Variants in PFKFB2 observed in about 807,000 individuals in gnomAD.
PFKFB2 encodes 6-phosphofructo-2-kinase/fructose-2,6-biphosphatase 2.
Under a neutral mutation model 68.0 loss-of-function variants are expected in PFKFB2, and 53 were observed. The ratio of observed to expected loss-of-function variants is 0.78; its 90% CI spans 0.63 to 0.98. PFKFB2 has a LOEUF of 0.98. Ranked by LOEUF, PFKFB2 falls within the 50% of genes least tolerant of loss-of-function variation. The pLI, the probability that PFKFB2 is intolerant of heterozygous loss-of-function variation, is 0.00. For synonymous variants in PFKFB2, 222 were observed against 227.6 expected (o/e 0.98, Z 0.22); for missense variants, 451 against 642.0 (o/e 0.70, Z 3.22).
At chr1:207,051,111 T>C (rs1042658655), upstream of PFKFB2, 3 of 1,427,810 alleles carry the variant, frequency 2.1e-6, no homozygotes, top group Admixed American at 5.9e-5. Context: ...GCGCGAACTC[T>C]TTTAAAGTGA....
intron 2 of PFKFB2, among the ~76,000 whole-genome samples, chr1:207,057,371 G>A (rs549661743): frequency 6.1e-5 from 9 of 147,680 alleles, no homozygotes; most frequent in South Asian, 2.2e-4. Flanking sequence ...CCAGCTACTC[G>A]GGAAGCTGAG....
chr1:207,075,751 G>T lies in PFKFB2; in HGVS notation c.*3380G>T. The stretch of plus-strand genomic sequence containing the variant: ...ATAGTGAGACCTCACCTCTAAAAAA[G>T]TTTTTTATAAATTTACTTGTCTAAA... On this transcript the variant is annotated 3_prime_UTR_variant, in exon 15 of 15. Transcript: ENST00000367080. 1.0e-6 allele frequency: 1 copy of T among 983,078 alleles called. No individual in the cohort carries two copies. The highest frequency in any genetic ancestry group is 1.2e-6 in the Non-Finnish European group (1 of 827,846). The allele number at this position is 983,078 out of a possible 1,614,324, so 60.9% of individuals were successfully genotyped here.
intron 2 of PFKFB2, among the ~76,000 whole-genome samples, chr1:207,057,537 A>AT (rs796743534): frequency 1.9e-3 from 274 of 146,402 alleles, no homozygotes; most frequent in Middle Eastern, 0.014. Flanking sequence ...TTTCTTTTTA[A>AT]TTTTTTTTTT....
chr1:207,035,961 A>G (rs1381065422), intron 1 of PFKFB2, among the ~76,000 whole-genome samples: 1 of 152,194 alleles, frequency 6.6e-6, no homozygotes, highest in Non-Finnish European at 1.5e-5. Context: ...CTTATCACAT[A>G]GTACGTTAGT....
intron 1 of PFKFB2, among the ~76,000 whole-genome samples, chr1:207,035,446 G>T (rs1682356938): frequency 6.6e-6 from 1 of 152,160 alleles, no homozygotes; most frequent in South Asian, 2.1e-4. Context: ...TTGAGCTCAG[G>T]AGTTGGAGAC....
chr1:207,078,885 G>A, downstream of PFKFB2: 1 of 1,324,658 alleles, frequency 7.5e-7, no homozygotes. Context: ...GAAGGATTCT[G>A]TTCTACTTTT....
At chr1:207,040,727 C>T (rs549623524) in intron 1 of PFKFB2, among the ~76,000 whole-genome samples, 29 of 152,148 alleles carry the variant, frequency 1.9e-4, no homozygotes, top group Non-Finnish European at 3.8e-4. Context: ...CTCATTCAGG[C>T]TTAAAGATAT....
chr1:207,042,683 C>T (rs1422704969), intron 2 of PFKFB2, among the ~76,000 whole-genome samples: 1 of 150,934 alleles, frequency 6.6e-6, no homozygotes, highest in Non-Finnish European at 1.5e-5. Flanking sequence ...GAATTAAGTA[C>T]CATTGCTTCG....
chr1:207,052,380 G>A (rs1035921268), upstream of PFKFB2: 8 of 653,082 alleles, frequency 1.2e-5, no homozygotes, highest in Non-Finnish European at 1.9e-5. Context: ...CCACCGGGGT[G>A]GCCGGGCGCA....
downstream of PFKFB2, chr1:207,079,602 T>G (rs1301539531): frequency 6.6e-6 from 1 of 152,582 alleles, no homozygotes; most frequent in Non-Finnish European, 1.5e-5. Flanking sequence ...AGTGGCAACC[T>G]TTTCATTTAG....
intron 2 of PFKFB2, among the ~76,000 whole-genome samples, chr1:207,061,089 A>ATC (rs1683082195): frequency 8.4e-6 from 1 of 119,292 alleles, no homozygotes; most frequent in African/African-American, 3.7e-5. Context: ...ATATATCTTT[A>ATC]TATATATCTT....
intron 3 of PFKFB2, 182 bp from the exon 4 acceptor site, chr1:207,062,438 G>C: frequency 1.1e-6 from 1 of 892,274 alleles, no homozygotes; most frequent in East Asian, 2.4e-5. Context: ...ACTTGTCCAA[G>C]GTCTAGAAAG....
downstream of PFKFB2, chr1:207,079,060 A>G: frequency 6.5e-7 from 1 of 1,531,966 alleles, no homozygotes; most frequent in East Asian, 2.2e-5. Context: ...AACGACTGGG[A>G]TCTACTGAAA....
Position 207,063,044 on chromosome 1 carries a change from A to C in PFKFB2, c.309-99A>C. 2.0e-6 allele frequency: 2 copies of C among 989,072 alleles called. 1 individual carries two copies. The highest frequency in any genetic ancestry group is 2.6e-5 in the South Asian group (2 of 77,994). The allele number at this position is 989,072 out of a possible 1,614,324, so 61.3% of individuals were successfully genotyped here. A position where few individuals can be genotyped will look rare whatever the true frequency, so the allele number is the denominator to read the frequency against. ...GAAAGGTTTTGAACAGTGGGAAACT[A>C]AGTGGGCAGGGATGTGACTTCTGTA... On this transcript the variant is annotated intron_variant, in intron 4 of 14. Coordinates refer to ENST00000367080, the MANE Select transcript of PFKFB2 (RefSeq NM_006212.2). This position sits in a 1 kb window ranked among gnomAD's most constrained non-coding sequence, Gnocchi z 4.1.
chr1:207,049,590 A>G (rs763255522), upstream of PFKFB2: 19 of 1,614,080 alleles, frequency 1.2e-5, no homozygotes, highest in East Asian at 3.6e-4. Flanking sequence ...TAAAGAGGCA[A>G]GAGTTGTCTG....
intron 11 of PFKFB2, among the ~76,000 whole-genome samples, chr1:207,069,797 C>G (rs760418): frequency 0.39 from 59,154 of 151,962 alleles, 13,665 homozygotes; most frequent in East Asian, 0.75. Flanking sequence ...TGTACTCTCT[C>G]AATCCCACCC....
chr1:207,046,065 A>G (rs958762085), intron 2 of PFKFB2: 7 of 152,104 alleles, frequency 4.6e-5, no homozygotes, highest in Admixed American at 3.3e-4. Context: ...CACTTTATTC[A>G]GGAGTGAATC....
Position 207,070,626 on chromosome 1 carries a change from G to A in PFKFB2, c.1222+217G>A. ...TTCCAATGGAGAGTGGCTGCTGCTG[G>A]TGCTCCTTGATCCTGCCTGGCTCAA... On this transcript the variant is annotated intron_variant, in intron 12 of 14. Transcript: ENST00000367080. This position sits in a 1 kb window ranked among gnomAD's most constrained non-coding sequence, Gnocchi z 4.2. The A allele has an allele frequency of 2.0e-6, 1 of 506,500 alleles. No homozygotes were observed. Among genetic ancestry groups the A allele is most frequent in the South Asian group, 2.0e-5 (1 of 48,900 alleles). 31.4% of individuals were successfully genotyped at this position (506,500 alleles called of 1,614,324 possible). A position where few individuals can be genotyped will look rare whatever the true frequency, so the allele number is the denominator to read the frequency against.
chr1:207,050,929 C>G (rs1161979096), upstream of PFKFB2: 3 of 1,588,162 alleles, frequency 1.9e-6, no homozygotes, highest in Non-Finnish European at 2.6e-6. Context: ...GCCAGGCACC[C>G]GCGGGGCCAG....
Sources: allele counts gnomAD v4.1 joint callset (sites outside exome capture counted in the v4.1 genomes callset), GRCh38; gene constraint gnomAD v4.1.1; non-coding constraint Gnocchi (gnomAD v3.1); transcripts MANE v1.5; gene names NCBI Gene and HGNC (gene_info 2026-07-23, HGNC 2026-07-21).